The following FXR1 variants were observed in gnomAD, a reference collection of about 807,000 sequenced individuals.
FXR1 encodes FMR1 autosomal homolog 1, also known as RNA-binding protein FXR1.
A neutral mutation model predicts 84.0 loss-of-function variants in FXR1; 15 were observed. The observed-to-expected ratio is 0.18, with a 90% CI of 0.12 to 0.27. The LOEUF (loss-of-function observed/expected upper bound fraction) is 0.27. Among genes scored for constraint, FXR1 ranks in the 10% least tolerant of loss-of-function variants. The pLI is 1.00. For missense variants in FXR1, 480 were observed against 774.4 expected, an observed-to-expected ratio of 0.62 and a Z score of 4.51; for synonymous variants, 245 against 250.7, an observed-to-expected ratio of 0.98 and a Z score of 0.21.
chr3:180,945,774 G>A (rs552818398), intron 3 of FXR1, among the ~76,000 whole-genome samples: 1 of 152,296 alleles, frequency 6.6e-6, no homozygotes, highest in Admixed American at 6.5e-5. Flanking sequence ...GATGATCTGG[G>A]TTCTTGTTGG....
At chr3:180,967,547 T>C (rs1371604646) in intron 13 of FXR1, among the ~76,000 whole-genome samples, 2 of 152,080 alleles carry the variant, frequency 1.3e-5, no homozygotes, top group African/African-American at 2.4e-5. Flanking sequence ...CATTCTAATA[T>C]TGATAAATGA....
chr3:180,946,993 C>G (rs1338420126), intron 3 of FXR1, among the ~76,000 whole-genome samples: 1 of 152,110 alleles, frequency 6.6e-6, no homozygotes, highest in Non-Finnish European at 1.5e-5. Context: ...TGACCTATTA[C>G]GTTAATAAAA....
At chr3:180,953,188 TTTA>T (rs2108471708) in intron 8 of FXR1, among the ~76,000 whole-genome samples, 1 of 152,296 alleles carries the variant, frequency 6.6e-6, no homozygotes, top group African/African-American at 2.4e-5. Context: ...TGAAAGTGAC[TTTA>T]TTGAGAAGTA....
intron 15 of FXR1, among the ~76,000 whole-genome samples, chr3:180,972,648 G>A (rs1415137440): frequency 2.0e-5 from 3 of 152,128 alleles, no homozygotes; most frequent in Admixed American, 2.0e-4. Flanking sequence ...AGTAACAGTG[G>A]GGTTTGTTGG....
At chr3:180,929,842 G>A (rs148019561) in intron 1 of FXR1, among the ~76,000 whole-genome samples, 2 of 152,346 alleles carry the variant, frequency 1.3e-5, no homozygotes, top group East Asian at 1.9e-4. Context: ...TAGAATTTAG[G>A]ACTTGGGGAT....
chr3:180,936,219 T>C (rs1163873011), intron 3 of FXR1, among the ~76,000 whole-genome samples: 2 of 151,774 alleles, frequency 1.3e-5, no homozygotes, highest in Admixed American at 6.6e-5. Flanking sequence ...ACTTACATAT[T>C]CTGTACTAAG....
At chr3:180,969,064 T>C (rs557581105) in intron 14 of FXR1, among the ~76,000 whole-genome samples, 1 of 152,204 alleles carries the variant, frequency 6.6e-6, no homozygotes, top group Non-Finnish European at 1.5e-5. Flanking sequence ...ACATTAAATA[T>C]AGATGCCAAC....
chr3:180,950,214 A>C (rs1298091366), intron 7 of FXR1, among the ~76,000 whole-genome samples: 2 of 152,206 alleles, frequency 1.3e-5, no homozygotes, highest in Non-Finnish European at 2.9e-5. Context: ...ACACACTGTG[A>C]TGTCTCAGAG....
Position 180,912,671 on chromosome 3 carries a change from C to T in FXR1, c.-15C>T, listed in dbSNP as rs1195042827. On this transcript the variant is annotated 5_prime_UTR_variant, in exon 1 of 17. Transcript: ENST00000357559. ...GTTTCTAGAATCTCTTCCCAGCGGC[C>T]TTTGCGGTTCCAACATGGCGGAGCT... 16 of 1,613,916 alleles carry T rather than the reference C, an allele frequency of 9.9e-6. No homozygotes were observed. Among genetic ancestry groups the T allele is most frequent in the Non-Finnish European group, 9.3e-6 (11 of 1,179,980 alleles).
Position 180,972,173 on chromosome 3 carries a change from A to G in FXR1, c.1603+1815A>G, listed in dbSNP as rs149256977. 2.0e-5 allele frequency among the ~76,000 whole-genome samples: 3 copies of G among 152,228 alleles called. No homozygotes were observed. In the East Asian group the frequency reaches 5.8e-4, roughly 29 times the overall value. On this transcript the variant is annotated intron_variant, in intron 15 of 16. Coordinates refer to ENST00000357559, the MANE Select transcript of FXR1 (RefSeq NM_005087.4). ...CCTCCCCTCCTTTAATGTTGGAAAT[A>G]TATTTTAGGGCTGGGTGCAGTGGCT...
intron 9 of FXR1, among the ~76,000 whole-genome samples, chr3:180,955,473 T>G (rs1229183449): frequency 6.6e-6 from 1 of 152,168 alleles, no homozygotes; most frequent in African/African-American, 2.4e-5. Context: ...TAATTATAAT[T>G]ATACAAAATA....
chr3:180,979,194 C>T lies in FXR1; in HGVS notation c.*2902C>T, dbSNP rs1714485678. 6.6e-6 allele frequency: 1 copy of T among 152,042 alleles called. No individual in the cohort carries two copies. The highest frequency in any genetic ancestry group is 6.6e-5 in the Admixed American group (1 of 15,234). The allele number at this position is 152,042 out of a possible 1,614,324, so 9.4% of individuals were successfully genotyped here. ...GTTGGTATGTTAACTAAATCTTGGA[C>T]TGGGAAACAGCACCATTTGTATCCT... is the stretch of plus-strand genomic sequence containing the variant. On this transcript the variant is annotated 3_prime_UTR_variant, in exon 17 of 17. Coordinates refer to ENST00000357559, the MANE Select transcript of FXR1 (RefSeq NM_005087.4).
chr3:180,927,302 T>A (rs1193040707), intron 1 of FXR1, among the ~76,000 whole-genome samples: 9 of 152,060 alleles, frequency 5.9e-5, no homozygotes, highest in Admixed American at 5.9e-4. Context: ...TGGGGCTATA[T>A]AAGATGTGTA....
chr3:180,968,848 A>G (rs906777667), intron 14 of FXR1, among the ~76,000 whole-genome samples: 2 of 152,200 alleles, frequency 1.3e-5, no homozygotes, highest in Non-Finnish European at 1.5e-5. Context: ...TATGCTTTAC[A>G]TTAAGTTGTA....
intron 6 of FXR1, 64 bp from the exon 7 acceptor site, chr3:180,949,163 G>A (rs1275336199): frequency 1.2e-6 from 1 of 844,624 alleles, no homozygotes; most frequent in Non-Finnish European, 2.1e-6. Flanking sequence ...TAGAAGATGG[G>A]ATGGTGTTTG....
At chr3:180,950,633 T>C (rs1722138071) in intron 7 of FXR1, among the ~76,000 whole-genome samples, 2 of 152,198 alleles carry the variant, frequency 1.3e-5, no homozygotes, top group Admixed American at 1.3e-4. Context: ...TTTAGACAGC[T>C]GCTCATTTTC....
chr3:180,970,386 ATATAT>A, intron 15 of FXR1, 28 bp downstream of exon 15: 3 of 66,638 alleles, frequency 4.5e-5, no homozygotes, highest in Non-Finnish European at 7.9e-5. Context: ...GAAGAGAAAT[ATATAT>A]ATATATATAT....
intron 1 of FXR1, among the ~76,000 whole-genome samples, chr3:180,923,821 G>T (rs1322186845): frequency 6.6e-6 from 1 of 151,826 alleles, no homozygotes; most frequent in Non-Finnish European, 1.5e-5. Flanking sequence ...GAACTACTAG[G>T]CTCAAGTGAT....
intron 3 of FXR1, among the ~76,000 whole-genome samples, chr3:180,945,658 C>T (rs1721620870): frequency 6.6e-6 from 1 of 152,208 alleles, no homozygotes; most frequent in African/African-American, 2.4e-5. Flanking sequence ...AGTCGACCTG[C>T]TTTGGCTCCC....
Sources: gnomAD v4.1 joint callset for allele counts (sites outside exome capture counted in the v4.1 genomes callset) on GRCh38, gnomAD v4.1.1 for gene constraint, MANE v1.5 for transcripts, NCBI Gene and HGNC (gene_info 2026-07-23, HGNC 2026-07-21) for gene names.